Variants in HECA observed in about 807,000 individuals in gnomAD.
HECA encodes headcase protein homolog.
A neutral mutation model predicts 37.6 loss-of-function variants in HECA; 13 were observed. The ratio of observed to expected loss-of-function variants is 0.35; its 90% CI spans 0.23 to 0.55. HECA has a LOEUF of 0.55. Among genes scored for constraint, HECA ranks in the 20% least tolerant of loss-of-function variants. HECA has a pLI of 0.90. For synonymous variants in HECA, 307 were observed against 291.5 expected (o/e 1.05, Z -0.54); for missense variants, 527 against 701.9 (o/e 0.75, Z 2.82).
intron 2 of HECA, among the ~76,000 whole-genome samples, chr6:139,171,981 C>T (rs982570374): frequency 2.6e-5 from 4 of 152,102 alleles, no homozygotes; most frequent in African/African-American, 9.7e-5. Flanking sequence ...CAGGCGCCGC[C>T]ACCACGCCTA....
intron 1 of HECA, among the ~76,000 whole-genome samples, chr6:139,155,416 T>C (rs1774699601): frequency 6.6e-6 from 1 of 152,196 alleles, no homozygotes; most frequent in African/African-American, 2.4e-5. Context: ...ACACTTAGGC[T>C]ACCCTAAATG....
chr6:139,166,929 C>T lies in HECA; in HGVS notation c.917C>T (p.Pro306Leu), dbSNP rs1168430147. Residue 306 changes from proline (P) to leucine (L), a missense_variant, in exon 2 of 4, where the codon CCT (proline) becomes CTT (leucine). This residue lies in a region of HECA where 228 missense variants were observed against 259.8 expected (regional missense o/e 0.88). Transcript: ENST00000367658. ...EFLKNAIHLE[P>L]HKKAMAGGHV... is the part of the protein sequence containing the mutation. ...TTAAAGAACGCCATCCATCTGGAGC[C>T]TCACAAGAAGGCCATGGCTGGGGGC... The T allele has an allele frequency of 2.5e-6, 4 of 1,614,034 alleles. No homozygotes were observed. The African/African-American group carries it at 4.0e-5, about 16-fold the overall frequency.
At chr6:139,160,493 A>C (rs140601648) in intron 1 of HECA, among the ~76,000 whole-genome samples, 1 of 152,226 alleles carries the variant, frequency 6.6e-6, no homozygotes, top group Admixed American at 6.5e-5. Context: ...GGCTCACTGC[A>C]GCCTCAATTT....
intron 1 of HECA, among the ~76,000 whole-genome samples, chr6:139,150,777 CA>C (rs1206633014): frequency 2.6e-5 from 4 of 151,928 alleles, no homozygotes; most frequent in Admixed American, 6.5e-5. Context: ...CTGTGTTCCA[CA>C]AAAGTTAGTA....
At position 139,167,301 on chromosome 6, in the gene HECA, A is replaced by G. The variant is rs1774905215; in HGVS notation, c.1289A>G (p.Tyr430Cys). 1 of 1,598,622 alleles carries G rather than the reference A, an allele frequency of 6.3e-7. No homozygotes were observed. Among genetic ancestry groups the G allele is most frequent in the Non-Finnish European group, 8.6e-7 (1 of 1,167,434 alleles). The part of the protein sequence containing the change: ...LSPSRHDEIE[Y>C]DVPCHLQGRL... The stretch of plus-strand genomic sequence containing the variant: ...CCGTCGAGACATGATGAGATCGAAT[A>G]TGATGTTCCTTGTCACCTTCAAGGT... The change falls in exon 2 of 4, where the codon TAT (tyrosine) becomes TGT (cysteine). Residue 430 changes from tyrosine (Y) to cysteine (C), a missense_variant. By Grantham distance (194) the Tyr-to-Cys change is radical. Transcript: ENST00000367658.
chr6:139,175,075 C>A (rs1470324556), intron 3 of HECA, among the ~76,000 whole-genome samples: 1 of 152,058 alleles, frequency 6.6e-6, no homozygotes, highest in African/African-American at 2.4e-5. Flanking sequence ...AGGTTGTAAT[C>A]CTTAAAGCAC....
intron 1 of HECA, among the ~76,000 whole-genome samples, chr6:139,151,977 C>G (rs988090375): frequency 2.0e-5 from 3 of 152,130 alleles, no homozygotes; most frequent in African/African-American, 7.2e-5. Context: ...AAGGAGCCTT[C>G]CTGTGCTCAG....
intron 1 of HECA, among the ~76,000 whole-genome samples, chr6:139,142,314 A>G (rs1201383401): frequency 6.6e-6 from 1 of 152,172 alleles, no homozygotes; most frequent in Non-Finnish European, 1.5e-5. Flanking sequence ...GGACACAAAC[A>G]TTCAAACCAC....
chr6:139,167,103 T>C lies in HECA; in HGVS notation c.1091T>C (p.Phe364Ser). The change falls in exon 2 of 4, where the codon TTC becomes TCC. Residue 364 changes from phenylalanine to serine, a missense_variant. Transcript: ENST00000367658. ...THIPRHKLNTFHVRMEDDAQV... is the reference protein window; with the variant it reads ...THIPRHKLNTSHVRMEDDAQV... Reference sequence around the variant, plus strand: ...ATCCCCAGGCATAAGCTGAACACTTTCCACGTGCGCATGGAAGACGATGCC... The same window carrying C: ...ATCCCCAGGCATAAGCTGAACACTTCCCACGTGCGCATGGAAGACGATGCC... 2 of 1,614,192 alleles carry C rather than the reference T, an allele frequency of 1.2e-6. No homozygotes were observed. Among genetic ancestry groups the C allele is most frequent in the Non-Finnish European group, 1.7e-6 (2 of 1,180,028 alleles).
Position 139,178,530 on chromosome 6 carries a change from T to C in HECA, c.*1425T>C, listed in dbSNP as rs1775085257. 6.6e-6 allele frequency: 1 copy of C among 151,998 alleles called. No homozygotes were observed. Among genetic ancestry groups the C allele is most frequent in the Non-Finnish European group, 1.5e-5 (1 of 68,002 alleles). 9.4% of individuals were successfully genotyped at this position (151,998 alleles called of 1,614,324 possible). On this transcript the variant is annotated 3_prime_UTR_variant, in exon 4 of 4. Coordinates refer to ENST00000367658, the MANE Select transcript of HECA (RefSeq NM_016217.3). Reference sequence around the variant, plus strand: ...TTTTTTTTTTTTAACTGTGTGGTTTTTCTTTTCAGAAGTATTTAGGCAATA... The same window carrying C: ...TTTTTTTTTTTTAACTGTGTGGTTTCTCTTTTCAGAAGTATTTAGGCAATA...
At chr6:139,136,277 A>AG (rs1401582918) in intron 1 of HECA, among the ~76,000 whole-genome samples, 1 of 151,660 alleles carries the variant, frequency 6.6e-6, no homozygotes, top group Non-Finnish European at 1.5e-5. Flanking sequence ...TAAAAAAAAA[A>AG]AAAAAAAAAG....
At chr6:139,151,798 C>T (rs753265510) in intron 1 of HECA, among the ~76,000 whole-genome samples, 2 of 152,204 alleles carry the variant, frequency 1.3e-5, no homozygotes, top group Non-Finnish European at 2.9e-5. Flanking sequence ...GAATAAGACA[C>T]TATTCTCAAT....
chr6:139,175,108 A>G (rs533711004), intron 3 of HECA, among the ~76,000 whole-genome samples: 8 of 152,210 alleles, frequency 5.3e-5, no homozygotes, highest in African/African-American at 1.9e-4. Flanking sequence ...GCATTGTCTC[A>G]TGCTATGAGG....
chr6:139,141,584 A>G (rs1774512974), intron 1 of HECA, among the ~76,000 whole-genome samples: 1 of 152,188 alleles, frequency 6.6e-6, no homozygotes, highest in Non-Finnish European at 1.5e-5. Context: ...TATTTCTCAC[A>G]GTTCTAGAAG....
Position 139,166,668 on chromosome 6 carries a change from C to T in HECA, c.656C>T (p.Ala219Val), listed in dbSNP as rs376482952. 99 of 1,613,608 alleles carry T rather than the reference C, an allele frequency of 6.1e-5. No homozygotes were observed. In the African/African-American group the frequency reaches 8.0e-4, roughly 13 times the overall value. Residue 219 changes from alanine to valine, a missense_variant, in exon 2 of 4, where the codon GCG (alanine) becomes GTG (valine). Ala to Val is a moderately conservative substitution (Grantham distance 64). Around this residue, in one of 4 missense-constraint regions of HECA, gnomAD observed 228 missense variants for 259.8 expected, o/e 0.88. Coordinates refer to ENST00000367658, the MANE Select transcript of HECA (RefSeq NM_016217.3). ...ACAGGGAGGCCTCCTGGTGAGGCGG[C>T]GGAGGAGGCAAAAAAGTGCAGGCCC... ...KNTGRPPGEA[A>V]EEAKKCRPPN...
At position 139,166,334 on chromosome 6, in the gene HECA, C is replaced by G; in HGVS notation, c.322C>G (p.Leu108Val). Residue 108 changes from leucine (L) to valine (V), a missense_variant, in exon 2 of 4, where the codon CTG becomes GTG. Leu to Val is a conservative substitution (Grantham distance 32). Around this residue, in one of 4 missense-constraint regions of HECA, gnomAD observed 172 missense variants for 197.6 expected, o/e 0.87. Transcript: ENST00000367658. ...CTGCAGCTTCGGTAGGCCGGTGGACCTGGAGAAGGACGACTACCAGAAGGT... is the reference window on the plus strand; with the variant it reads ...CTGCAGCTTCGGTAGGCCGGTGGACGTGGAGAAGGACGACTACCAGAAGGT... ...LICSFGRPVD[L>V]EKDDYQKVVC... is the part of the protein sequence containing the mutation. 8 of 1,613,412 alleles carry G rather than the reference C, an allele frequency of 5.0e-6. No individual in the cohort carries two copies. Among genetic ancestry groups the G allele is most frequent in the Non-Finnish European group, 6.8e-6 (8 of 1,179,442 alleles).
At chr6:139,136,391 C>T (rs1196233517) in intron 1 of HECA, among the ~76,000 whole-genome samples, 7 of 151,934 alleles carry the variant, frequency 4.6e-5, no homozygotes, top group African/African-American at 7.2e-5. Context: ...TTTGAGGGGA[C>T]ACTTAGGAAC....
chr6:139,160,657 C>T (rs1774786146), intron 1 of HECA, among the ~76,000 whole-genome samples: 1 of 152,186 alleles, frequency 6.6e-6, no homozygotes, highest in Non-Finnish European at 1.5e-5. Flanking sequence ...GCAAGTGATT[C>T]TCTGGCCTCA....
At chr6:139,162,212 C>T (rs370615503) in intron 1 of HECA, among the ~76,000 whole-genome samples, 4 of 151,980 alleles carry the variant, frequency 2.6e-5, no homozygotes, top group African/African-American at 9.7e-5. Context: ...GCCAGACCAT[C>T]AGGGAGGGGA....
Sources: gnomAD v4.1 joint callset for allele counts (sites outside exome capture counted in the v4.1 genomes callset) on GRCh38, gnomAD v4.1.1 for gene constraint, gnomAD v4.1.1 regional missense constraint, MANE v1.5 for transcripts, NCBI Gene and HGNC (gene_info 2026-07-23, HGNC 2026-07-21) for gene names.